Variants in SETD7 observed in about 807,000 individuals in gnomAD.
The protein encoded by SETD7 is SET domain containing 7, histone lysine methyltransferase, also known as histone-lysine N-methyltransferase SETD7.
Under a neutral mutation model 41.8 loss-of-function variants are expected in SETD7, and 16 were observed. The ratio of observed to expected loss-of-function variants is 0.38; its 90% CI spans 0.26 to 0.58. The LOEUF (loss-of-function observed/expected upper bound fraction) is 0.58. SETD7 is among the 20% of genes least tolerant of loss of function. SETD7 has a pLI of 0.64. For synonymous variants in SETD7, 163 were observed against 169.7 expected (o/e 0.96, Z 0.31); for missense variants, 346 against 459.7 (o/e 0.75, Z 2.26).
intron 2 of SETD7, among the ~76,000 whole-genome samples, chr4:139,534,797 G>A (rs530248951): frequency 1.4e-4 from 22 of 152,274 alleles, no homozygotes; most frequent in Middle Eastern, 3.4e-3. Flanking sequence ...GACGCAAAGC[G>A]GGCCATCAGG....
intron 7 of SETD7, among the ~76,000 whole-genome samples, chr4:139,499,182 A>G (rs1034709315): frequency 2.0e-5 from 3 of 152,258 alleles, no homozygotes; most frequent in Non-Finnish European, 2.9e-5. Flanking sequence ...ATAACTGACT[A>G]TCTTGCTTCT....
chr4:139,497,543 A>T (rs892910137), intron 7 of SETD7, among the ~76,000 whole-genome samples: 1 of 152,084 alleles, frequency 6.6e-6, no homozygotes, highest in East Asian at 1.9e-4. Flanking sequence ...CAACCTGATG[A>T]TAGGAAAGAA....
At chr4:139,528,071 A>G (rs192967404) in intron 4 of SETD7, among the ~76,000 whole-genome samples, 307 of 152,278 alleles carry the variant, frequency 2.0e-3, no homozygotes, top group African/African-American at 7.1e-3. Flanking sequence ...AAATACATGC[A>G]TATATTGTTT....
rs147202162 is a variant in SETD7, at chr4:139,496,180, T to C, written c.*173A>G. 3.1e-4 allele frequency: 146 copies of C among 478,472 alleles called. No individual in the cohort carries two copies. In the East Asian group the frequency reaches 4.7e-3, roughly 16 times the overall value. 29.6% of individuals were successfully genotyped at this position (478,472 alleles called of 1,614,324 possible). On this transcript the variant is annotated 3_prime_UTR_variant, in exon 8 of 8. Transcript: ENST00000506866. The stretch of plus-strand genomic sequence containing the variant: ...AGTCCTGCTGGTTTGAGGGTCTTTT[T>C]CCCCCCTCTGGTGACTTTATTTATT...
intron 4 of SETD7, 107 bp from the exon 5 acceptor site, chr4:139,523,542 TAATC>T: frequency 2.9e-6 from 2 of 687,248 alleles, no homozygotes; most frequent in African/African-American, 3.5e-5. Flanking sequence ...CCAAAAATCT[TAATC>T]AAGTTATACC....
chr4:139,520,165 A>G, intron 6 of SETD7, 112 bp downstream of exon 6: 1 of 569,706 alleles, frequency 1.8e-6, no homozygotes, highest in East Asian at 2.9e-5. Flanking sequence ...ATTTTTACAA[A>G]AAAGCCAATC....
At chr4:139,496,054 T>G (rs1726447121) in exon 8 of SETD7, 1 of 231,176 alleles carries the variant, frequency 4.3e-6, no homozygotes, top group Admixed American at 5.3e-5. Context: ...GTGGTCAGTC[T>G]GGTTTTATCT....
In SETD7 at chr4:139,511,345, CCT is replaced by C. The variant is rs1726865054; in HGVS notation, c.*316_*317del. The C allele has an allele frequency of 3.2e-6, 1 of 311,574 alleles. No homozygotes were observed. The highest frequency in any genetic ancestry group is 5.9e-6 in the Non-Finnish European group (1 of 169,436). The allele number at this position is 311,574 out of a possible 1,614,324, so 19.3% of individuals were successfully genotyped here. A position where few individuals can be genotyped will look rare whatever the true frequency, so the allele number is the denominator to read the frequency against. The stretch of plus-strand genomic sequence containing the variant: ...AAAAATGACTGAAAAACCCCGTTTC[CCT>C]GTTTCAGTCTAATCATTTGGCATCT... On this transcript the variant is annotated 3_prime_UTR_variant, in exon 8 of 8. Transcript: ENST00000274031.
rs575038596 is a variant in SETD7 at position 139,533,940 on chromosome 4, GATTT to G, written c.171-578_171-575del. 1.5e-4 allele frequency among the ~76,000 whole-genome samples: 23 copies of G among 152,094 alleles called. No homozygotes were observed. In the East Asian group the frequency reaches 4.4e-3, roughly 29 times the overall value. ...TCCATCTCCTTGGAAGACATATGGG[GATTT>G]ATTTAAGTATATCTATATATCTATG... On this transcript the variant is annotated intron_variant, in intron 2 of 7. Coordinates refer to ENST00000274031, the MANE Select transcript of SETD7 (RefSeq NM_030648.4).
In SETD7 at chr4:139,533,359, C is replaced by G; in HGVS notation, c.178G>C (p.Glu60Gln). The G allele has an allele frequency of 3.7e-6, 6 of 1,613,396 alleles. No homozygotes were observed. The highest frequency in any genetic ancestry group is 5.1e-6 in the Non-Finnish European group (6 of 1,179,646). The change falls in exon 3 of 8, where the codon GAG (glutamate) becomes CAG (glutamine). Residue 60 changes from glutamate to glutamine, a missense_variant. By Grantham distance (29) the Glu-to-Gln change is conservative. Coordinates refer to ENST00000274031, the MANE Select transcript of SETD7 (RefSeq NM_030648.4). Reference protein sequence around the residue: ...KFFFFDGSTLEGYYVDDALQG... With the variant: ...KFFFFDGSTLQGYYVDDALQG... The stretch of plus-strand genomic sequence containing the variant: ...AAGGCATCATCCACATAATACCCCT[C>G]CAGGGTGCTGTGAGGAAAGGAAAAA...
chr4:139,497,900 G>A (rs1726496788), intron 7 of SETD7, among the ~76,000 whole-genome samples: 1 of 152,126 alleles, frequency 6.6e-6, no homozygotes, highest in African/African-American at 2.4e-5. Context: ...TTCCCTAGAG[G>A]TGTTTGTTTT....
At chr4:139,493,806 C>T (rs1726400917), downstream of SETD7, among the ~76,000 whole-genome samples, 1 of 152,178 alleles carries the variant, frequency 6.6e-6, no homozygotes, top group Non-Finnish European at 1.5e-5. Flanking sequence ...TCCCAGAGTG[C>T]TGAAATTACA....
In SETD7 at chr4:139,508,236, AC is replaced by A. The variant is rs1402759104; in HGVS notation, c.*3426del. 3 of 152,006 alleles carry A rather than the reference AC, an allele frequency of 2.0e-5. No individual in the cohort carries two copies. Among genetic ancestry groups the A allele is most frequent in the Non-Finnish European group, 4.4e-5 (3 of 67,968 alleles). The allele number at this position is 152,006 out of a possible 1,614,324, so 9.4% of individuals were successfully genotyped here. A position where few individuals can be genotyped will look rare whatever the true frequency, so the allele number is the denominator to read the frequency against. Reference sequence around the variant, plus strand: ...GGAAATAGTTTTTCGAGTGTGAAGAACCCCCATAGGGCAAATAGGTTTAACT... The same window carrying A: ...GGAAATAGTTTTTCGAGTGTGAAGAACCCCATAGGGCAAATAGGTTTAACT... On this transcript the variant is annotated 3_prime_UTR_variant, in exon 8 of 8. Transcript: ENST00000274031.
chr4:139,515,637 A>G (rs144156019), intron 7 of SETD7, among the ~76,000 whole-genome samples: 2 of 152,350 alleles, frequency 1.3e-5, no homozygotes, highest in East Asian at 1.9e-4. Context: ...TTCATTTCAC[A>G]TGACACATGT....
chr4:139,549,365 A>G (rs1271548402), intron 1 of SETD7, among the ~76,000 whole-genome samples: 1 of 152,230 alleles, frequency 6.6e-6, no homozygotes, highest in African/African-American at 2.4e-5. Flanking sequence ...ATTTCTGAAT[A>G]AAACACTGAA....
At chr4:139,535,064 A>T (rs1468001211) in intron 2 of SETD7, among the ~76,000 whole-genome samples, 1 of 152,224 alleles carries the variant, frequency 6.6e-6, no homozygotes, top group East Asian at 1.9e-4. Flanking sequence ...TCTTGCATAA[A>T]TAATCAAAAT....
intron 7 of SETD7, among the ~76,000 whole-genome samples, chr4:139,498,770 G>A (rs36109015): frequency 0.21 from 31,754 of 152,090 alleles, 3,663 homozygotes; most frequent in African/African-American, 0.3. Context: ...CCCAAAGCCA[G>A]CCATAAAACC....
In SETD7 at chr4:139,523,454, T is replaced by A. The variant is rs779381459; in HGVS notation, c.563-19A>T. 6.4e-7 allele frequency: 1 copy of A among 1,565,636 alleles called. No homozygotes were observed. Among genetic ancestry groups the A allele is most frequent in the Non-Finnish European group, 8.8e-7 (1 of 1,136,080 alleles). ...ACTGAATCTGAAAAGCAAACAAAAA[T>A]ACCAGTATAGGTGCAGAGTTAGGGA... On this transcript the variant is annotated intron_variant, in intron 4 of 7. Transcript: ENST00000274031.
chr4:139,530,832 G>A (rs904880771), intron 3 of SETD7, among the ~76,000 whole-genome samples: 1 of 152,006 alleles, frequency 6.6e-6, no homozygotes, highest in Non-Finnish European at 1.5e-5. Context: ...AAACTTTTTC[G>A]AGGTAAATTT....
Sources: gnomAD v4.1 joint callset for allele counts (sites outside exome capture counted in the v4.1 genomes callset) on GRCh38, gnomAD v4.1.1 for gene constraint, MANE v1.5 for transcripts, NCBI Gene and HGNC (gene_info 2026-07-23, HGNC 2026-07-21) for gene names.